The following SLC11A2 variants were observed in gnomAD, a reference collection of about 807,000 sequenced individuals.
SLC11A2 encodes natural resistance-associated macrophage protein 2.
SLC11A2 carries 38 observed loss-of-function variants against 68.0 expected under a neutral mutation model. The observed-to-expected ratio is 0.56, with a 90% CI of 0.43 to 0.73. The LOEUF is 0.73. Ranked by LOEUF, SLC11A2 falls within the 30% of genes least tolerant of loss-of-function variation. The pLI is 0.00. For synonymous variants in SLC11A2, 242 were observed against 250.6 expected (o/e 0.97, Z 0.32); for missense variants, 517 against 690.5 (o/e 0.75, Z 2.82).
intron 2 of SLC11A2, among the ~76,000 whole-genome samples, chr12:51,008,909 A>T (rs1320257640): frequency 6.6e-6 from 1 of 151,844 alleles, no homozygotes; most frequent in East Asian, 1.9e-4. Flanking sequence ...GTTTTAACTC[A>T]CAATGGTTTT....
At chr12:51,000,284 T>C in intron 6 of SLC11A2, 29 bp downstream of exon 6, 1 of 1,485,166 alleles carries the variant, frequency 6.7e-7, no homozygotes, top group Non-Finnish European at 9.4e-7. Context: ...AGCAAAACAC[T>C]GATGACTTTC....
rs745991716 is a variant in SLC11A2, at chr12:50,988,029, T to G, written c.*296A>C. Reference sequence around the variant, plus strand: ...TAAGAATCATGCATATCCTTGTCTCTCCGAAGGATAAACTGAGCTGGCCCT... The same window carrying G: ...TAAGAATCATGCATATCCTTGTCTCGCCGAAGGATAAACTGAGCTGGCCCT... On this transcript the variant is annotated 3_prime_UTR_variant, in exon 16 of 16. Coordinates refer to ENST00000262052, the MANE Select transcript of SLC11A2 (RefSeq NM_000617.3). 26 of 1,365,652 alleles carry G rather than the reference T, an allele frequency of 1.9e-5. No homozygotes were observed. Among genetic ancestry groups the G allele is most frequent in the African/African-American group, 1.5e-5 (1 of 68,802 alleles). The allele number at this position is 1,365,652 out of a possible 1,614,324, so 84.6% of individuals were successfully genotyped here.
At chr12:50,977,040 G>A (rs998885351), downstream of SLC11A2, among the ~76,000 whole-genome samples, 4 of 152,136 alleles carry the variant, frequency 2.6e-5, no homozygotes, top group African/African-American at 9.7e-5. Context: ...TGGGTAGGAA[G>A]AATCAATATC....
chr12:51,012,609 C>G (rs1217671246), intron 1 of SLC11A2, among the ~76,000 whole-genome samples: 3 of 152,162 alleles, frequency 2.0e-5, no homozygotes, highest in Non-Finnish European at 4.4e-5. Flanking sequence ...TTTCTATCTA[C>G]CAACATATTC....
chr12:51,014,414 TCAAATA>T (rs1358252386), intron 1 of SLC11A2, among the ~76,000 whole-genome samples: 2 of 152,176 alleles, frequency 1.3e-5, no homozygotes, highest in Non-Finnish European at 2.9e-5. Context: ...ACAGAGCCGT[TCAAATA>T]CAAAAAGTTT....
At position 50,987,861 on chromosome 12, in the gene SLC11A2, C is replaced by T; in HGVS notation, c.*464G>A. 2 of 1,260,238 alleles carry T rather than the reference C, an allele frequency of 1.6e-6. No homozygotes were observed. The highest frequency in any genetic ancestry group is 1.0e-6 in the Non-Finnish European group (1 of 978,064). The allele number at this position is 1,260,238 out of a possible 1,614,324, so 78.1% of individuals were successfully genotyped here. A position where few individuals can be genotyped will look rare whatever the true frequency, so the allele number is the denominator to read the frequency against. On this transcript the variant is annotated 3_prime_UTR_variant, in exon 16 of 16. Coordinates refer to ENST00000262052, the MANE Select transcript of SLC11A2 (RefSeq NM_000617.3). ...TGATAATTTGGTATAATTAAAATAA[C>T]TGAAAAGGTAGGTATAAGGAAAATT...
At chr12:50,988,483 AT>A (rs1940823930) in intron 15 of SLC11A2, 48 bp from the exon 16 acceptor site, 1 of 1,612,224 alleles carries the variant, frequency 6.2e-7, no homozygotes, top group African/African-American at 1.3e-5. Flanking sequence ...TTGAAGAGCC[AT>A]GACTGCTCAC....
chr12:50,995,505 C>T (rs1348758476), intron 10 of SLC11A2, 124 bp downstream of exon 10: 14 of 1,042,264 alleles, frequency 1.3e-5, no homozygotes, highest in Non-Finnish European at 1.9e-5. Context: ...GGGGGGCAGA[C>T]GAGAAGCTAG....
At chr12:50,975,952 A>C (rs1366424252), downstream of SLC11A2, among the ~76,000 whole-genome samples, 1 of 152,190 alleles carries the variant, frequency 6.6e-6, no homozygotes, top group Non-Finnish European at 1.5e-5. Context: ...GAAGAAGTTG[A>C]ATCTCTGAAT....
At chr12:50,984,466 C>T (rs557627894), downstream of SLC11A2, among the ~76,000 whole-genome samples, 8 of 152,276 alleles carry the variant, frequency 5.3e-5, no homozygotes, top group Middle Eastern at 3.4e-3. Flanking sequence ...TTCTTCAATA[C>T]GTAGTAAGCA....
At position 50,986,244 on chromosome 12, in the gene SLC11A2, T is replaced by C. The variant is rs1940539919; in HGVS notation, c.*2081A>G. 7.8e-7 allele frequency: 1 copy of C among 1,284,620 alleles called. No homozygotes were observed. The highest frequency in any genetic ancestry group is 1.5e-5 in the African/African-American group (1 of 65,778). 79.6% of individuals were successfully genotyped at this position (1,284,620 alleles called of 1,614,324 possible). A position where few individuals can be genotyped will look rare whatever the true frequency, so the allele number is the denominator to read the frequency against. On this transcript the variant is annotated 3_prime_UTR_variant, in exon 16 of 16. Coordinates refer to ENST00000262052, the MANE Select transcript of SLC11A2 (RefSeq NM_000617.3). ...TTAAACATTCCACATAAACACACTG[T>C]CAAAACTCACTGGATATGCTGGAAT... is the stretch of plus-strand genomic sequence containing the variant.
chr12:50,957,521 C>T, the SLC11A2 span, among the ~76,000 whole-genome samples: 3 of 151,590 alleles, frequency 2.0e-5, no homozygotes, highest in East Asian at 2.0e-4. Flanking sequence ...TTCTTTTAAT[C>T]GATCCTTACA....
At chr12:51,010,185 C>T (rs543928408) in intron 2 of SLC11A2, among the ~76,000 whole-genome samples, 1 of 140,504 alleles carries the variant, frequency 7.1e-6, no homozygotes, top group South Asian at 2.3e-4. Flanking sequence ...CAAAACTCCG[C>T]CTCAAAAAAA....
rs187685984 is a variant in SLC11A2, at chr12:51,002,667, C to A, written c.429+2121G>T. ...AAAAAAAAAAAAGGGCAGAGCCAGG[C>A]GCAGTAGCTCACGCCTGTAATCCCA... On this transcript the variant is annotated intron_variant, in intron 5 of 15. Transcript: ENST00000262052. Among the ~76,000 whole-genome samples, 8 of 107,324 alleles carry A rather than the reference C, an allele frequency of 7.5e-5. No individual in the cohort carries two copies. The East Asian group carries it at 2.2e-3, about 29-fold the overall frequency. 70.4% of individuals were successfully genotyped at this position (107,324 alleles called of 152,430 possible). A position where few individuals can be genotyped will look rare whatever the true frequency, so the allele number is the denominator to read the frequency against.
chr12:51,011,124 A>ATTT (rs34248900), intron 1 of SLC11A2, among the ~76,000 whole-genome samples: 23 of 144,910 alleles, frequency 1.6e-4, no homozygotes, highest in Admixed American at 7.6e-4. Context: ...AGCAAATACC[A>ATTT]TTTTTTTTTT....
At chr12:50,976,213 C>A (rs1014692954), downstream of SLC11A2, among the ~76,000 whole-genome samples, 1 of 152,302 alleles carries the variant, frequency 6.6e-6, no homozygotes, top group South Asian at 2.1e-4. Context: ...AGACCAATAT[C>A]CCTGATGAAC....
the SLC11A2 span, among the ~76,000 whole-genome samples, chr12:50,952,500 G>A: frequency 6.6e-6 from 1 of 152,034 alleles, no homozygotes; most frequent in Non-Finnish European, 1.5e-5. Context: ...GGTCTCAAGG[G>A]GCCCCAAGGC....
chr12:51,009,003 AT>A, intron 2 of SLC11A2: 1 of 715,802 alleles, frequency 1.4e-6, no homozygotes, highest in East Asian at 2.7e-5. Flanking sequence ...TGGGCTCAAA[AT>A]ATCATATTCC....
upstream of SLC11A2, chr12:51,026,508 G>A (rs1944400786): frequency 4.1e-6 from 2 of 488,320 alleles, no homozygotes; most frequent in Admixed American, 3.9e-5. Context: ...CTCCGCCCAC[G>A]CGGAGTCTGG....
Sources: gnomAD v4.1 joint callset for allele counts (sites outside exome capture counted in the v4.1 genomes callset) on GRCh38, gnomAD v4.1.1 for gene constraint, MANE v1.5 for transcripts, NCBI Gene and HGNC (gene_info 2026-07-23, HGNC 2026-07-21) for gene names.